GRB2: variants seen among roughly 807,000 people sequenced by gnomAD.
GRB2 encodes growth factor receptor bound protein 2.
A neutral mutation model predicts 27.4 loss-of-function variants in GRB2; 2 were observed. The observed-to-expected ratio is 0.07, with a 90% CI of 0.03 to 0.23. The LOEUF (loss-of-function observed/expected upper bound fraction) is 0.23. GRB2 is among the 10% of genes least tolerant of loss of function. The pLI is 1.00. For missense variants in GRB2, 102 were observed against 282.4 expected, an observed-to-expected ratio of 0.36 and a Z score of 4.58; for synonymous variants, 94 against 99.6, an observed-to-expected ratio of 0.94 and a Z score of 0.33.
intron 2 of GRB2, among the ~76,000 whole-genome samples, chr17:75,391,770 C>T (rs1263197535): frequency 1.4e-5 from 2 of 147,830 alleles, no homozygotes; most frequent in South Asian, 2.1e-4. Context: ...ATTGTACCAC[C>T]GCACTCCAGC....
chr17:75,352,288 T>C (rs938290311), intron 2 of GRB2, among the ~76,000 whole-genome samples: 1 of 152,124 alleles, frequency 6.6e-6, no homozygotes, highest in Non-Finnish European at 1.5e-5. Flanking sequence ...CCTCTAGTTC[T>C]TTCTCTAAGC....
At chr17:75,355,422 C>T (rs947458553) in intron 2 of GRB2, among the ~76,000 whole-genome samples, 8 of 152,050 alleles carry the variant, frequency 5.3e-5, no homozygotes, top group Non-Finnish European at 8.8e-5. Context: ...CTCCTCCTCC[C>T]CAAACATCTT....
At chr17:75,332,474 T>C (rs754796848) in intron 3 of GRB2, among the ~76,000 whole-genome samples, 6 of 152,246 alleles carry the variant, frequency 3.9e-5, no homozygotes, top group Non-Finnish European at 7.3e-5. Flanking sequence ...ACTATCGTTT[T>C]ATTTTTGAAG....
intron 2 of GRB2, among the ~76,000 whole-genome samples, chr17:75,366,116 T>G (rs886712842): frequency 3.9e-5 from 6 of 152,156 alleles, no homozygotes; most frequent in African/African-American, 1.4e-4. Context: ...TTATAGTGCA[T>G]TCATATAATG....
chr17:75,379,278 A>G (rs1417175695), intron 2 of GRB2, among the ~76,000 whole-genome samples: 2 of 152,054 alleles, frequency 1.3e-5, no homozygotes, highest in African/African-American at 4.8e-5. Flanking sequence ...TGCTTATTTA[A>G]TTTCAAAATT....
intron 2 of GRB2, among the ~76,000 whole-genome samples, chr17:75,364,835 A>G (rs190170564): frequency 2.7e-4 from 41 of 151,918 alleles, no homozygotes; most frequent in Non-Finnish European, 8.8e-5. Flanking sequence ...CATTCTATCC[A>G]AACATAAAAA....
chr17:75,349,071 G>A (rs2078672194), intron 2 of GRB2, among the ~76,000 whole-genome samples: 1 of 152,200 alleles, frequency 6.6e-6, no homozygotes, highest in African/African-American at 2.4e-5. Context: ...AATAGTCTAG[G>A]AATAGGGCAA....
intron 3 of GRB2, 196 bp from the exon 4 acceptor site, chr17:75,326,216 C>G (rs980640090): frequency 3.3e-6 from 2 of 598,794 alleles, no homozygotes; most frequent in African/African-American, 1.9e-5. Flanking sequence ...TTAGCCTACT[C>G]CATTTCCCAG....
At position 75,320,621 on chromosome 17, in the gene GRB2, G is replaced by T; in HGVS notation, c.469-68C>A. ...CTGTGACTGGCCACCTCCGAGGCCA[G>T]ATGGGTTCCAGGGGGAAACGAATGC... On this transcript the variant is annotated intron_variant, in intron 5 of 5. Coordinates refer to ENST00000316804, the MANE Select transcript of GRB2 (RefSeq NM_002086.5). The surrounding 1 kb of genome is among the most constrained non-coding windows in gnomAD (Gnocchi z 4.3). 1 of 1,264,984 alleles carries T rather than the reference G, an allele frequency of 7.9e-7. No individual in the cohort carries two copies. Among genetic ancestry groups the T allele is most frequent in the Non-Finnish European group, 1.1e-6 (1 of 872,944 alleles). The allele number at this position is 1,264,984 out of a possible 1,614,324, so 78.4% of individuals were successfully genotyped here.
intron 2 of GRB2, among the ~76,000 whole-genome samples, chr17:75,389,289 C>A (rs1423120248): frequency 6.7e-5 from 4 of 59,820 alleles, no homozygotes; most frequent in African/African-American, 2.9e-4. Flanking sequence ...CTTCTCTTAA[C>A]CTACACGTCC....
At chr17:75,379,401 A>T (rs1250934978) in intron 2 of GRB2, among the ~76,000 whole-genome samples, 3 of 39,888 alleles carry the variant, frequency 7.5e-5, no homozygotes, top group Non-Finnish European at 2.2e-4. Context: ...TTGATTTCTT[A>T]AAAAAAAAAA....
At chr17:75,324,507 G>GTTTTGT (rs1555608339) in intron 4 of GRB2, among the ~76,000 whole-genome samples, 9 of 36,700 alleles carry the variant, frequency 2.5e-4, no homozygotes, top group African/African-American at 6.6e-4. Flanking sequence ...ACCGCACCCA[G>GTTTTGT]TTTTTTTTTT....
At chr17:75,353,982 G>T (rs2078711489) in intron 2 of GRB2, among the ~76,000 whole-genome samples, 1 of 151,532 alleles carries the variant, frequency 6.6e-6, no homozygotes, top group Non-Finnish European at 1.5e-5. Flanking sequence ...GGAGGTTGCA[G>T]TGAGCCGAGA....
chr17:75,347,166 A>G (rs1019612225), intron 2 of GRB2, among the ~76,000 whole-genome samples: 2 of 152,144 alleles, frequency 1.3e-5, no homozygotes, highest in African/African-American at 4.8e-5. Context: ...TGTGGTTTCT[A>G]GAGAAACTTC....
Position 75,320,641 on chromosome 17 carries a change from G to T in GRB2, c.469-88C>A. ...GGCCAGATGGGTTCCAGGGGGAAAC[G>T]AATGCGTGCCAAATTCTCCATGTTT... On this transcript the variant is annotated intron_variant, in intron 5 of 5. Coordinates refer to ENST00000316804, the MANE Select transcript of GRB2 (RefSeq NM_002086.5). This position sits in a 1 kb window ranked among gnomAD's most constrained non-coding sequence, Gnocchi z 4.3. 1 of 900,132 alleles carries T rather than the reference G, an allele frequency of 1.1e-6. No homozygotes were observed. Among genetic ancestry groups the T allele is most frequent in the Admixed American group, 2.2e-5 (1 of 44,664 alleles). The allele number at this position is 900,132 out of a possible 1,614,324, so 55.8% of individuals were successfully genotyped here.
At chr17:75,397,207 T>C (rs1416369531) in intron 1 of GRB2, among the ~76,000 whole-genome samples, 1 of 152,146 alleles carries the variant, frequency 6.6e-6, no homozygotes, top group Non-Finnish European at 1.5e-5. Context: ...AAAGAGCATA[T>C]TCGCTAAAGG....
chr17:75,332,080 G>T (rs1030914744), intron 3 of GRB2, among the ~76,000 whole-genome samples: 7 of 152,196 alleles, frequency 4.6e-5, no homozygotes, highest in African/African-American at 1.4e-4. Context: ...GTGAATGAGG[G>T]GTGGGTGAGA....
At chr17:75,392,862 A>T (rs2079007245) in intron 2 of GRB2, among the ~76,000 whole-genome samples, 1 of 152,228 alleles carries the variant, frequency 6.6e-6, no homozygotes, top group Non-Finnish European at 1.5e-5. Flanking sequence ...TAAGCTGCAC[A>T]TGGTATAGAA....
rs189362846 is a variant in GRB2, at chr17:75,318,832, C to A, written c.*1536G>T. ...GACAAGTGAAAAGTGAGTACTCTCA[C>A]TGTGTACCCCAGCATAGGAATAGTG... On this transcript the variant is annotated 3_prime_UTR_variant, in exon 6 of 6. Transcript: ENST00000316804. 6.6e-6 allele frequency: 1 copy of A among 152,316 alleles called. No individual in the cohort carries two copies. The highest frequency in any genetic ancestry group is 1.5e-5 in the Non-Finnish European group (1 of 68,120). 9.4% of individuals were successfully genotyped at this position (152,316 alleles called of 1,614,324 possible). A position where few individuals can be genotyped will look rare whatever the true frequency, so the allele number is the denominator to read the frequency against.
Sources: gnomAD v4.1 joint callset for allele counts (sites outside exome capture counted in the v4.1 genomes callset) on GRCh38, gnomAD v4.1.1 for gene constraint, Gnocchi (gnomAD v3.1) non-coding constraint, MANE v1.5 for transcripts, NCBI Gene and HGNC (gene_info 2026-07-23, HGNC 2026-07-21) for gene names.